The following PDE8A variants were observed in gnomAD, a reference collection of about 807,000 sequenced individuals.
The protein encoded by PDE8A is phosphodiesterase 8A, also known as high affinity cAMP-specific and IBMX-insensitive 3',5'-cyclic phosphodiesterase 8A.
Under a neutral mutation model 105.0 loss-of-function variants are expected in PDE8A, and 59 were observed. That is an observed-to-expected ratio of 0.56 (90% CI 0.46 to 0.70). PDE8A has a LOEUF of 0.70. PDE8A is among the 30% of genes least tolerant of loss of function. PDE8A has a pLI of 0.00. For synonymous variants in PDE8A, 355 were observed against 371.9 expected, an observed-to-expected ratio of 0.95 and a Z score of 0.52; for missense variants, 1,014 against 1,045.9, an observed-to-expected ratio of 0.97 and a Z score of 0.42.
At position 84,982,363 on chromosome 15, in the gene PDE8A, G is replaced by A; in HGVS notation, c.186+15G>A. 1 of 1,296,102 alleles carries A rather than the reference G, an allele frequency of 7.7e-7. No individual in the cohort carries two copies. The highest frequency in any genetic ancestry group is 9.8e-7 in the Non-Finnish European group (1 of 1,022,664). The allele number at this position is 1,296,102 out of a possible 1,614,324, so 80.3% of individuals were successfully genotyped here. ...GCGGCAAGAAGGTAAGGGGCGCCGGGCACTCTGGGGCCGCCGCGAAACTCG... is the reference window on the plus strand; with the variant it reads ...GCGGCAAGAAGGTAAGGGGCGCCGGACACTCTGGGGCCGCCGCGAAACTCG... On this transcript the variant is annotated intron_variant, in intron 1 of 21. Transcript: ENST00000394553.
intron 1 of PDE8A, among the ~76,000 whole-genome samples, chr15:85,057,280 C>T (rs927584080): frequency 2.0e-5 from 3 of 152,328 alleles, no homozygotes. Flanking sequence ...AGGAGGCAGA[C>T]TGTCTGTTCT....
At chr15:85,049,080 C>T (rs771496080) in intron 1 of PDE8A, among the ~76,000 whole-genome samples, 7 of 151,374 alleles carry the variant, frequency 4.6e-5, no homozygotes, top group Admixed American at 1.3e-4. Flanking sequence ...CTAGCCTGGG[C>T]GACAGAGTGA....
chr15:85,045,555 C>G (rs2080874243), intron 1 of PDE8A, among the ~76,000 whole-genome samples: 1 of 152,174 alleles, frequency 6.6e-6, no homozygotes, highest in Admixed American at 6.5e-5. Flanking sequence ...CTAAATTGGA[C>G]TTAAATATGA....
chr15:85,095,349 A>AT lies in PDE8A; in HGVS notation c.853-2591dup, dbSNP rs1048870326. Among the ~76,000 whole-genome samples the AT allele has an allele frequency of 1.6e-4, 25 of 151,792 alleles. No homozygotes were observed. In the South Asian group the frequency reaches 1.9e-3, roughly 11 times the overall value. ...ATTCTCAGGAACTAAATATATATAT[A>AT]TTTTTTTTCCTCAAGACAGAGTCTC... On this transcript the variant is annotated intron_variant, in intron 8 of 21. Coordinates refer to ENST00000394553, the MANE Select transcript of PDE8A (RefSeq NM_002605.3).
At chr15:85,017,350 GCA>G (rs1448116964) in intron 1 of PDE8A, among the ~76,000 whole-genome samples, 1 of 151,946 alleles carries the variant, frequency 6.6e-6, no homozygotes, top group East Asian at 1.9e-4. Context: ...GTAATACATA[GCA>G]CATAAATTCT....
chr15:85,011,883 C>A (rs1416388045), intron 1 of PDE8A, among the ~76,000 whole-genome samples: 2 of 152,104 alleles, frequency 1.3e-5, no homozygotes, highest in African/African-American at 4.8e-5. Context: ...AAAAAGTGGG[C>A]GAAGGACATG....
rs1567212251 is a variant in PDE8A, at chr15:84,982,145, C to T, written c.-18C>T. On this transcript the variant is annotated 5_prime_UTR_variant, in exon 1 of 22. Transcript: ENST00000394553. Reference sequence around the variant, plus strand: ...GATCGCGGCTACCCGCCAGCGTGTCCGCGGCGCCGCCGCCAGCATGGGCTG... The same window carrying T: ...GATCGCGGCTACCCGCCAGCGTGTCTGCGGCGCCGCCGCCAGCATGGGCTG... The T allele has an allele frequency of 1.5e-6, 2 of 1,315,638 alleles. No homozygotes were observed. Among genetic ancestry groups the T allele is most frequent in the South Asian group, 2.1e-5 (1 of 47,584 alleles). 81.5% of individuals were successfully genotyped at this position (1,315,638 alleles called of 1,614,324 possible). A position where few individuals can be genotyped will look rare whatever the true frequency, so the allele number is the denominator to read the frequency against.
chr15:85,077,429 A>G (rs2081395291), intron 5 of PDE8A, among the ~76,000 whole-genome samples: 1 of 152,256 alleles, frequency 6.6e-6, no homozygotes, highest in South Asian at 2.1e-4. Context: ...CCAGGTTAGT[A>G]TAAGAAAGGT....
intron 1 of PDE8A, among the ~76,000 whole-genome samples, chr15:85,046,545 T>G (rs1236859136): frequency 1.3e-5 from 2 of 152,194 alleles, no homozygotes; most frequent in African/African-American, 4.8e-5. Context: ...TAGACACTGT[T>G]TTGGGTGTTG....
Position 85,115,501 on chromosome 15 carries a change from T to C in PDE8A, c.1399+14T>C. The C allele has an allele frequency of 4.4e-6, 6 of 1,379,204 alleles. No homozygotes were observed. Among genetic ancestry groups the C allele is most frequent in the Non-Finnish European group, 6.0e-6 (6 of 1,005,700 alleles). 85.4% of individuals were successfully genotyped at this position (1,379,204 alleles called of 1,614,324 possible). On this transcript the variant is annotated intron_variant, in intron 15 of 21. Transcript: ENST00000394553. ...TTTCAACAAAAAGTAAGTTTTTCCT[T>C]TTTAATTTCTTAGATCACTGTCTAT...
rs546194907 is a variant in PDE8A, at chr15:85,119,468, C to CAAAAAAAAAAAAAAAA, written c.1735-1316_1735-1315insAAAAAAAAAAAAAAAA. 5.5e-4 allele frequency among the ~76,000 whole-genome samples: 32 copies of CAAAAAAAAAAAAAAAA among 58,526 alleles called. 5 individuals carry two copies. Among genetic ancestry groups the CAAAAAAAAAAAAAAAA allele is most frequent in the East Asian group, 2.5e-3 (2 of 816 alleles). 38.4% of individuals were successfully genotyped at this position (58,526 alleles called of 152,430 possible). Reference sequence around the variant, plus strand: ...GGGTGACAGAGCAAGACTCTCGTCTCAAAAAAAAAAAAACATTTATTGAAA... The same window carrying CAAAAAAAAAAAAAAAA: ...GGGTGACAGAGCAAGACTCTCGTCTCAAAAAAAAAAAAAAAAAAAAAAAAAAAAACATTTATTGAAA... On this transcript the variant is annotated intron_variant, in intron 17 of 21. Transcript: ENST00000394553.
intron 11 of PDE8A, among the ~76,000 whole-genome samples, chr15:85,107,667 G>A (rs1722298311): frequency 6.6e-6 from 1 of 152,186 alleles, no homozygotes; most frequent in South Asian, 2.1e-4. Context: ...CTGGGTTAAA[G>A]AGCAGATTTG....
chr15:85,046,178 A>G (rs185419239), intron 1 of PDE8A, among the ~76,000 whole-genome samples: 157 of 149,338 alleles, frequency 1.1e-3, no homozygotes, highest in African/African-American at 3.8e-3. Flanking sequence ...ATCCCTCCTG[A>G]GTAGCTGGGA....
chr15:85,102,791 A>C (rs1286571055), intron 11 of PDE8A, among the ~76,000 whole-genome samples: 2 of 150,932 alleles, frequency 1.3e-5, no homozygotes, highest in Non-Finnish European at 2.9e-5. Context: ...GTGAGCCGAG[A>C]TCGCGCCATT....
chr15:85,018,963 G>A (rs1185288663), intron 1 of PDE8A, among the ~76,000 whole-genome samples: 1 of 152,082 alleles, frequency 6.6e-6, no homozygotes, highest in Non-Finnish European at 1.5e-5. Flanking sequence ...TTTTAAAAAT[G>A]GATTTTGGTA....
At chr15:85,077,630 A>T (rs940194510) in intron 5 of PDE8A, among the ~76,000 whole-genome samples, 2 of 152,344 alleles carry the variant, frequency 1.3e-5, no homozygotes, top group African/African-American at 4.8e-5. Context: ...TCAATCCACC[A>T]GGTGACAGGG....
intron 12 of PDE8A, among the ~76,000 whole-genome samples, chr15:85,112,452 A>C (rs764384240): frequency 1.3e-5 from 2 of 152,214 alleles, no homozygotes; most frequent in Non-Finnish European, 2.9e-5. Flanking sequence ...ACAGTGATAA[A>C]ATAGGAGTTT....
At chr15:85,097,894 C>G (rs2081784907) in intron 8 of PDE8A, 54 bp from the exon 9 acceptor site, 1 of 1,002,522 alleles carries the variant, frequency 1.0e-6, no homozygotes, top group Non-Finnish European at 1.6e-6. Flanking sequence ...GGAAAATGTT[C>G]TTGGGTTTAT....
intron 5 of PDE8A, among the ~76,000 whole-genome samples, chr15:85,078,145 C>CAAAAAAAAA (rs34715649): frequency 1.7e-5 from 2 of 120,042 alleles, no homozygotes; most frequent in Non-Finnish European, 3.7e-5. Flanking sequence ...AGTGAAACTG[C>CAAAAAAAAA]AAAAAAAAAA....
Sources: gnomAD v4.1 joint callset for allele counts (sites outside exome capture counted in the v4.1 genomes callset) on GRCh38, gnomAD v4.1.1 for gene constraint, MANE v1.5 for transcripts, NCBI Gene and HGNC (gene_info 2026-07-23, HGNC 2026-07-21) for gene names.